The following PLPPR5 variants were observed in gnomAD, a reference collection of about 807,000 sequenced individuals.
PLPPR5 encodes the protein phospholipid phosphatase related 5, also known as phospholipid phosphatase-related protein type 5.
In PLPPR5, 16 loss-of-function variants were observed where a neutral mutation model predicts 33.9. The ratio of observed to expected loss-of-function variants is 0.47; its 90% CI spans 0.32 to 0.72. PLPPR5 has a LOEUF of 0.72. PLPPR5 is among the 30% of genes least tolerant of loss of function. The pLI is 0.03. For missense variants in PLPPR5, 301 were observed against 406.7 expected, an observed-to-expected ratio of 0.74 and a Z score of 2.23; for synonymous variants, 163 against 150.3, an observed-to-expected ratio of 1.08 and a Z score of -0.62.
At chr1:98,935,526 G>A (rs1650142712) in intron 3 of PLPPR5, among the ~76,000 whole-genome samples, 1 of 152,088 alleles carries the variant, frequency 6.6e-6, no homozygotes, top group Admixed American at 6.5e-5. Context: ...GCAATAGAAA[G>A]TACCCAATAA....
At chr1:98,906,174 AGTGT>A (rs756494329) in intron 5 of PLPPR5, among the ~76,000 whole-genome samples, 3 of 150,632 alleles carry the variant, frequency 2.0e-5, no homozygotes, top group Non-Finnish European at 3.0e-5. Context: ...ATATATATAT[AGTGT>A]GTGTGTATAT....
intron 1 of PLPPR5, among the ~76,000 whole-genome samples, chr1:98,960,316 G>A (rs1651191255): frequency 6.6e-6 from 1 of 151,966 alleles, no homozygotes; most frequent in African/African-American, 2.4e-5. Context: ...CAATTCTCCT[G>A]TCTCAGCCTC....
chr1:98,909,296 C>T (rs1365917611), intron 5 of PLPPR5, among the ~76,000 whole-genome samples: 2 of 146,242 alleles, frequency 1.4e-5, no homozygotes, highest in African/African-American at 2.5e-5. Flanking sequence ...CGCCTCCCCT[C>T]CCTTCCCTTC....
chr1:98,983,946 C>CT (rs113661489), intron 1 of PLPPR5, among the ~76,000 whole-genome samples: 12,608 of 141,754 alleles, frequency 0.089, 648 homozygotes, highest in East Asian at 0.25. Context: ...TTGTTTTTTT[C>CT]TTTTTTTTTT....
At chr1:98,970,306 T>C (rs1651613009) in intron 1 of PLPPR5, among the ~76,000 whole-genome samples, 1 of 152,034 alleles carries the variant, frequency 6.6e-6, no homozygotes, top group Non-Finnish European at 1.5e-5. Context: ...TCTGGTCTCA[T>C]TTGTGCTTGG....
chr1:98,962,701 G>A (rs1231233456), intron 1 of PLPPR5, among the ~76,000 whole-genome samples: 2 of 152,154 alleles, frequency 1.3e-5, no homozygotes, highest in Non-Finnish European at 2.9e-5. Flanking sequence ...CTGGAGTGCA[G>A]GGGTGCAGTT....
intron 1 of PLPPR5, among the ~76,000 whole-genome samples, chr1:98,966,780 T>A (rs1033176485): frequency 1.3e-5 from 2 of 152,158 alleles, no homozygotes; most frequent in African/African-American, 4.8e-5. Context: ...GAAGCTGCCA[T>A]CCCACCCACT....
Position 98,901,057 on chromosome 1 carries a change from A to G in PLPPR5, c.934-7953T>C, listed in dbSNP as rs116402439. 1.5e-3 allele frequency among the ~76,000 whole-genome samples: 236 copies of G among 152,292 alleles called. 2 individuals are homozygous for G. Among genetic ancestry groups the G allele is most frequent in the African/African-American group, 5.5e-3 (230 of 41,568 alleles). ...AATGTTTGTATCAGCTTTATTCATA[A>G]TTGCCAAAAAATGGAAATAACCCAA... is the stretch of plus-strand genomic sequence containing the variant. On this transcript the variant is annotated intron_variant, in intron 5 of 5. Coordinates refer to ENST00000263177, the MANE Select transcript of PLPPR5 (RefSeq NM_001037317.2).
intron 1 of PLPPR5, among the ~76,000 whole-genome samples, chr1:98,980,360 C>T (rs998700955): frequency 1.3e-5 from 2 of 152,074 alleles, no homozygotes; most frequent in African/African-American, 4.8e-5. Context: ...AGTCAAGACT[C>T]TAGTACACTC....
At position 98,896,104 on chromosome 1, in the gene PLPPR5, T is replaced by C. The variant is rs141601034; in HGVS notation, c.934-3000A>G. 3.6e-3 allele frequency among the ~76,000 whole-genome samples: 547 copies of C among 152,116 alleles called. 5 individuals are homozygous for C. Among genetic ancestry groups the C allele is most frequent in the African/African-American group, 0.013 (522 of 41,522 alleles). On this transcript the variant is annotated intron_variant, in intron 5 of 5. Transcript: ENST00000263177. ...CTAAAGAAGCGCCAAGATAATTACT[T>C]GAGGTCCTTTTATAAGAATCTATCA... is the stretch of plus-strand genomic sequence containing the variant.
intron 4 of PLPPR5, among the ~76,000 whole-genome samples, chr1:98,921,593 T>C (rs1423452431): frequency 6.6e-6 from 1 of 152,164 alleles, no homozygotes; most frequent in Admixed American, 6.5e-5. Context: ...AAAAACTATT[T>C]GGGAGGGACA....
At chr1:98,943,879 T>C (rs1276676376) in intron 3 of PLPPR5, among the ~76,000 whole-genome samples, 4 of 152,168 alleles carry the variant, frequency 2.6e-5, no homozygotes, top group African/African-American at 9.7e-5. Context: ...TTGTTTCCAA[T>C]TCCATTCCAA....
chr1:98,963,555 G>C (rs1174734488), intron 1 of PLPPR5, among the ~76,000 whole-genome samples: 1 of 152,178 alleles, frequency 6.6e-6, no homozygotes, highest in Non-Finnish European at 1.5e-5. Flanking sequence ...ACATGCCTGA[G>C]TCACATGGTA....
At chr1:98,992,959 G>A (rs1419184990) in intron 1 of PLPPR5, among the ~76,000 whole-genome samples, 2 of 152,056 alleles carry the variant, frequency 1.3e-5, no homozygotes, top group African/African-American at 4.8e-5. Flanking sequence ...TTTATGTGGG[G>A]TCATAGGTTA....
At chr1:98,979,231 G>A (rs1272160981) in intron 1 of PLPPR5, among the ~76,000 whole-genome samples, 1 of 152,000 alleles carries the variant, frequency 6.6e-6, no homozygotes, top group East Asian at 1.9e-4. Flanking sequence ...AATTTCTTCA[G>A]AGCAGTTTTC....
At chr1:98,920,376 AT>A (rs1400918453) in intron 4 of PLPPR5, among the ~76,000 whole-genome samples, 2 of 142,180 alleles carry the variant, frequency 1.4e-5, no homozygotes, top group East Asian at 4.1e-4. Flanking sequence ...TGCCTATACT[AT>A]TTTTTAAGGA....
At chr1:98,973,189 G>A (rs564208677) in intron 1 of PLPPR5, among the ~76,000 whole-genome samples, 1 of 152,170 alleles carries the variant, frequency 6.6e-6, no homozygotes, top group East Asian at 1.9e-4. Flanking sequence ...GTTATTTGCA[G>A]ATGAAAGCAA....
rs766545532 is a variant in PLPPR5, at chr1:99,004,703, G to A, written c.-32C>T. ...CTCCCGGGCCGGGCCGAGCCGAGCC[G>A]AGCGGGCGGTCGACGCGGTGGGCCC... On this transcript the variant is annotated 5_prime_UTR_variant, in exon 1 of 6. Coordinates refer to ENST00000263177, the MANE Select transcript of PLPPR5 (RefSeq NM_001037317.2). 2.8e-6 allele frequency: 4 copies of A among 1,453,260 alleles called. No individual in the cohort carries two copies. Among genetic ancestry groups the A allele is most frequent in the African/African-American group, 1.4e-5 (1 of 69,038 alleles). The allele number at this position is 1,453,260 out of a possible 1,614,324, so 90.0% of individuals were successfully genotyped here.
chr1:98,899,655 C>CTTTTT (rs1214385487), intron 5 of PLPPR5, among the ~76,000 whole-genome samples: 12 of 138,596 alleles, frequency 8.7e-5, no homozygotes, highest in African/African-American at 1.9e-4. Flanking sequence ...GTTTATTTCA[C>CTTTTT]TTGTTTTTTT....
Sources: allele counts gnomAD v4.1 joint callset (sites outside exome capture counted in the v4.1 genomes callset), GRCh38; gene constraint gnomAD v4.1.1; transcripts MANE v1.5; gene names NCBI Gene and HGNC (gene_info 2026-07-23, HGNC 2026-07-21).